HDAC7: variants seen among roughly 807,000 people sequenced by gnomAD.
The protein encoded by HDAC7 is histone deacetylase 7.
Under a neutral mutation model 115.5 loss-of-function variants are expected in HDAC7, and 26 were observed. The observed-to-expected ratio is 0.23, with a 90% CI of 0.16 to 0.31. HDAC7 has a LOEUF of 0.31. HDAC7 is among the 10% of genes least tolerant of loss of function. The pLI is 1.00. For synonymous variants in HDAC7, 564 were observed against 550.9 expected (o/e 1.02, Z -0.33); for missense variants, 1,068 against 1,329.0 (o/e 0.80, Z 3.05).
chr12:47,819,788 A>T lies in HDAC7; in HGVS notation c.-3T>A. ...TCACCAGCGCCGGGGCTGTGCATCCAGGGGCCGGGGCCCTCAGAGCGGGGG... is the reference window on the plus strand; with the variant it reads ...TCACCAGCGCCGGGGCTGTGCATCCTGGGGCCGGGGCCCTCAGAGCGGGGG... On this transcript the variant is annotated 5_prime_UTR_variant, in exon 1 of 26. Transcript: ENST00000080059. The T allele has an allele frequency of 1.9e-6, 1 of 523,988 alleles. No homozygotes were observed. Among genetic ancestry groups the T allele is most frequent in the Non-Finnish European group, 2.3e-6 (1 of 438,742 alleles). 32.5% of individuals were successfully genotyped at this position (523,988 alleles called of 1,614,324 possible).
At chr12:47,806,127 G>A (rs556952785) in intron 1 of HDAC7, among the ~76,000 whole-genome samples, 71 of 152,326 alleles carry the variant, frequency 4.7e-4, no homozygotes, top group African/African-American at 1.7e-3. Context: ...ACTGCTCATT[G>A]ATTGGCACTG....
rs576852687 is a variant in HDAC7 at position 47,803,253 on chromosome 12, C to T, written c.20-979G>A. ...CCAGGAGACCCAGAGGCTGCCTGGA[C>T]GGGGTACTGGGTGGACACAGAAGCG... On this transcript the variant is annotated intron_variant, in intron 1 of 25. Coordinates refer to ENST00000080059, the MANE Select transcript of HDAC7 (RefSeq NM_015401.5). This position sits in a 1 kb window ranked among gnomAD's most constrained non-coding sequence, Gnocchi z 4.0. Among the ~76,000 whole-genome samples the T allele has an allele frequency of 1.1e-4, 16 of 152,240 alleles. No homozygotes were observed. Among genetic ancestry groups the T allele is most frequent in the Admixed American group, 4.6e-4 (7 of 15,298 alleles).
At position 47,783,570 on chromosome 12, in the gene HDAC7, G is replaced by A; in HGVS notation, c.*271C>T. 1 of 507,140 alleles carries A rather than the reference G, an allele frequency of 2.0e-6. No homozygotes were observed. The highest frequency in any genetic ancestry group is 3.6e-6 in the Non-Finnish European group (1 of 278,700). The allele number at this position is 507,140 out of a possible 1,614,324, so 31.4% of individuals were successfully genotyped here. A position where few individuals can be genotyped will look rare whatever the true frequency, so the allele number is the denominator to read the frequency against. On this transcript the variant is annotated 3_prime_UTR_variant, in exon 26 of 26. Transcript: ENST00000080059. The stretch of plus-strand genomic sequence containing the variant: ...TCCTGAGGAATGGGGGCCACAGCCA[G>A]GGCCCATACTGGAGGGGAGAATCTG...
Position 47,793,849 on chromosome 12 carries a change from G to A in HDAC7, c.1459-261C>T, listed in dbSNP as rs1424685320. 6.6e-6 allele frequency among the ~76,000 whole-genome samples: 1 copy of A among 152,194 alleles called. No homozygotes were observed. The highest frequency in any genetic ancestry group is 1.5e-5 in the Non-Finnish European group (1 of 68,044). ...CTTGGGGCTCCAAAGCCAGGAACCA[G>A]GGGAGGGGCGCTGGATCTTGTGCTG... On this transcript the variant is annotated intron_variant, in intron 12 of 25. Transcript: ENST00000080059. The surrounding 1 kb of genome is among the most constrained non-coding windows in gnomAD (Gnocchi z 4.5).
Position 47,795,230 on chromosome 12 carries a change from A to G in HDAC7, c.1238T>C (p.Met413Thr). The G allele has an allele frequency of 6.2e-7, 1 of 1,612,914 alleles. No homozygotes were observed. Among genetic ancestry groups the G allele is most frequent in the Non-Finnish European group, 8.5e-7 (1 of 1,179,394 alleles). The change falls in exon 11 of 26, where the codon ATG becomes ACG. Residue 413 changes from methionine (M) to threonine (T), a missense_variant. Transcript: ENST00000080059. The surrounding 1 kb of genome is among the most constrained non-coding windows in gnomAD (Gnocchi z 4.3). The stretch of plus-strand genomic sequence containing the variant: ...TTTGAGCTGCTCCAGGCGGGGCTGC[A>G]TGGGGCCCGGCGGTGGGGGAGCGGT... ...SATAPPPPGPMQPRLEQLKTH... is the reference protein window; with the variant it reads ...SATAPPPPGPTQPRLEQLKTH...
At position 47,797,996 on chromosome 12, in the gene HDAC7, C is replaced by A; in HGVS notation, c.461+112G>T. ...ATTATGTTTAGAGGAAGGGTAAGGA[C>A]TGGTTGTGGCAACTGGGGAGGAAGG... On this transcript the variant is annotated intron_variant, in intron 5 of 25. Transcript: ENST00000080059. This position sits in a 1 kb window ranked among gnomAD's most constrained non-coding sequence, Gnocchi z 5.5. 2.6e-6 allele frequency: 2 copies of A among 768,516 alleles called. No individual in the cohort carries two copies. Among genetic ancestry groups the A allele is most frequent in the South Asian group, 1.4e-5 (1 of 69,452 alleles). The allele number at this position is 768,516 out of a possible 1,614,324, so 47.6% of individuals were successfully genotyped here. A position where few individuals can be genotyped will look rare whatever the true frequency, so the allele number is the denominator to read the frequency against.
At position 47,791,636 on chromosome 12, in the gene HDAC7, T is replaced by C; in HGVS notation, c.1883A>G (p.Tyr628Cys). 5 of 1,612,438 alleles carry C rather than the reference T, an allele frequency of 3.1e-6. No individual in the cohort carries two copies. The highest frequency in any genetic ancestry group is 4.2e-6 in the Non-Finnish European group (5 of 1,179,490). ...SVHSERHVLL[Y>C]GTNPLSRLKL... is the part of the protein sequence containing the mutation. Reference sequence around the variant, plus strand: ...GAGGCGGCTGAGCGGGTTGGTGCCGTAGAGGAGCACGTGCCGCTCAGAGTG... The same window carrying C: ...GAGGCGGCTGAGCGGGTTGGTGCCGCAGAGGAGCACGTGCCGCTCAGAGTG... The change falls in exon 15 of 26, where the codon TAC (tyrosine) becomes TGC (cysteine). Residue 628 changes from tyrosine (Y) to cysteine (C), a missense_variant. This residue lies in a region of HDAC7 where 618 missense variants were observed against 701.5 expected (regional missense o/e 0.88). Transcript: ENST00000080059.
chr12:47,814,473 A>G (rs1215100835), intron 1 of HDAC7, among the ~76,000 whole-genome samples: 1 of 152,192 alleles, frequency 6.6e-6, no homozygotes, highest in Non-Finnish European at 1.5e-5. Context: ...GGAAGGTGAA[A>G]CAGGAGAGCT....
In HDAC7 at chr12:47,795,291, T is replaced by C. The variant is rs760439367; in HGVS notation, c.1177A>G (p.Ser393Gly). The change falls in exon 11 of 26, where the codon AGC becomes GGC. Residue 393 changes from serine (S) to glycine (G), a missense_variant. Ser to Gly is a moderately conservative substitution (Grantham distance 56). This residue lies in a region of HDAC7 where 618 missense variants were observed against 701.5 expected (regional missense o/e 0.88). Transcript: ENST00000080059. The surrounding 1 kb of genome is among the most constrained non-coding windows in gnomAD (Gnocchi z 4.3). ...LSGSGLHWPLSRTRSEPLPPS... is the reference protein window; with the variant it reads ...LSGSGLHWPLGRTRSEPLPPS... ...GGCAGGGGCTCTGAGCGAGTCCGGC[T>C]CAGTGGCCAGTGGAGGCCTGACCCA... The C allele has an allele frequency of 6.2e-7, 1 of 1,612,608 alleles. No individual in the cohort carries two copies. The highest frequency in any genetic ancestry group is 1.1e-5 in the South Asian group (1 of 91,006).
intron 1 of HDAC7, among the ~76,000 whole-genome samples, chr12:47,815,969 G>A (rs948290120): frequency 2.8e-5 from 4 of 144,108 alleles, no homozygotes; most frequent in South Asian, 2.2e-4. Context: ...TTGGCTCACC[G>A]CAACCTCTGC....
chr12:47,784,392 G>A (rs923597438), intron 24 of HDAC7, 175 bp from the exon 25 acceptor site: 75 of 672,750 alleles, frequency 1.1e-4, no homozygotes, highest in Non-Finnish European at 1.5e-4. Context: ...TCCCACTCCC[G>A]CACAGCCTGA....
intron 13 of HDAC7, chr12:47,792,881 G>C: frequency 2.8e-6 from 1 of 361,094 alleles, no homozygotes; most frequent in Non-Finnish European, 5.5e-6. Flanking sequence ...CGTAGTTCAT[G>C]TGTTCATGGC....
upstream of HDAC7, among the ~76,000 whole-genome samples, chr12:47,821,151 C>A (rs1157892107): frequency 2.0e-5 from 3 of 152,194 alleles, no homozygotes; most frequent in Admixed American, 2.0e-4. Flanking sequence ...TAAGAAACCC[C>A]AAGAATCCAG....
intron 24 of HDAC7, chr12:47,784,771 C>T (rs1943071158): frequency 6.5e-7 from 1 of 1,535,544 alleles, no homozygotes; most frequent in East Asian, 2.4e-5. Context: ...GGAACCATGT[C>T]CTGGAATCTG....
intron 14 of HDAC7, 70 bp downstream of exon 14, chr12:47,791,801 G>GCCCCCCCCC: frequency 6.6e-7 from 1 of 1,511,066 alleles, no homozygotes; most frequent in Non-Finnish European, 9.0e-7. Flanking sequence ...GGGCCCCAGG[G>GCCCCCCCCC]CCCCCCACCC....
rs549474879 is a variant in HDAC7 at position 47,798,801 on chromosome 12, G to A, written c.242C>T (p.Ser81Leu). The A allele has an allele frequency of 1.8e-5, 28 of 1,557,188 alleles. No individual in the cohort carries two copies. Among genetic ancestry groups the A allele is most frequent in the East Asian group, 9.6e-5 (4 of 41,542 alleles). The change falls in exon 3 of 26, where the codon TCG becomes TTG. Residue 81 changes from serine (S) to leucine (L), a missense_variant. Ser to Leu is a moderately radical substitution (Grantham distance 145, BLOSUM62 -2). Coordinates refer to ENST00000080059, the MANE Select transcript of HDAC7 (RefSeq NM_015401.5). The surrounding 1 kb of genome is among the most constrained non-coding windows in gnomAD (Gnocchi z 4.3). ...CATCTTTACCCTCATGGGCTCCACC[G>A]AGCGCTGCTGCTGCAGGCCTGCTAG... ...LFLAGLQQQR[S>L]VEPMRLSMDT...
chr12:47,794,693 C>G (rs1184409137), intron 12 of HDAC7, 67 bp downstream of exon 12: 1 of 1,443,502 alleles, frequency 6.9e-7, no homozygotes, highest in Admixed American at 2.5e-5. Flanking sequence ...CCTCCCTTCC[C>G]CATCTTATGC....
At chr12:47,805,312 G>A (rs1369582303) in intron 1 of HDAC7, among the ~76,000 whole-genome samples, 3 of 151,198 alleles carry the variant, frequency 2.0e-5, no homozygotes, top group Non-Finnish European at 3.0e-5. Context: ...CTGGGCTCCT[G>A]GGCTCAAGCG....
In HDAC7 at chr12:47,795,742, G is replaced by A. The variant is rs565007154; in HGVS notation, c.932C>T (p.Pro311Leu). 48 of 1,542,574 alleles carry A rather than the reference G, an allele frequency of 3.1e-5. No homozygotes were observed. The highest frequency in any genetic ancestry group is 3.8e-5 in the Non-Finnish European group (44 of 1,142,972). The change falls in exon 10 of 26, where the codon CCG (proline) becomes CTG (leucine). Residue 311 changes from proline (P) to leucine (L), a missense_variant. Transcript: ENST00000080059. This position sits in a 1 kb window ranked among gnomAD's most constrained non-coding sequence, Gnocchi z 4.3. Reference sequence around the variant, plus strand: ...GATTGGCCCCCGAGGGCCCAGAGTCGGATGGGTCCTGCGGTCACTGTCAGC... The same window carrying A: ...GATTGGCCCCCGAGGGCCCAGAGTCAGATGGGTCCTGCGGTCACTGTCAGC... ...ARADSDRRTH[P>L]TLGPRGPILG...
Sources: gnomAD v4.1 joint callset for allele counts (sites outside exome capture counted in the v4.1 genomes callset) on GRCh38, gnomAD v4.1.1 for gene constraint, gnomAD v4.1.1 regional missense constraint, Gnocchi (gnomAD v3.1) non-coding constraint, MANE v1.5 for transcripts, NCBI Gene and HGNC (gene_info 2026-07-23, HGNC 2026-07-21) for gene names.